Variants in MYCBP2 observed in about 807,000 individuals in gnomAD.
The protein encoded by MYCBP2 is E3 ubiquitin-protein ligase MYCBP2.
Under a neutral mutation model 525.3 loss-of-function variants are expected in MYCBP2, and 120 were observed. The observed-to-expected ratio is 0.23, with a 90% CI of 0.20 to 0.27. MYCBP2 has a LOEUF of 0.27. Ranked by LOEUF, MYCBP2 falls within the 10% of genes least tolerant of loss-of-function variation. The probability of loss-of-function intolerance (pLI) is 1.00; values close to 1 mark genes in which losing one functional copy is unlikely to be tolerated. For missense variants in MYCBP2, 4,149 were observed against 5,657.1 expected, an observed-to-expected ratio of 0.73 and a Z score of 8.55; for synonymous variants, 1,894 against 1,955.8, an observed-to-expected ratio of 0.97 and a Z score of 0.83.
intron 81 of MYCBP2, 67 bp downstream of exon 81, chr13:77,051,744 T>A: frequency 8.5e-7 from 1 of 1,179,260 alleles, no homozygotes; most frequent in Non-Finnish European, 1.2e-6. Flanking sequence ...CCCACCATAT[T>A]ATTGTTTAAA....
At chr13:77,197,994 C>G (rs41405744) in intron 26 of MYCBP2, among the ~76,000 whole-genome samples, 5,467 of 152,238 alleles carry the variant, frequency 0.036, 148 homozygotes, top group Middle Eastern at 0.068. Context: ...ATAAGGTCCA[C>G]TACGTTGTTC....
intron 68 of MYCBP2, among the ~76,000 whole-genome samples, chr13:77,074,665 C>G (rs564869439): frequency 2.0e-5 from 3 of 152,278 alleles, no homozygotes; most frequent in Middle Eastern, 6.8e-3. Flanking sequence ...TAATGGAACA[C>G]TTCTCAGCAA....
intron 10 of MYCBP2, among the ~76,000 whole-genome samples, chr13:77,262,454 T>C (rs2073459463): frequency 6.6e-6 from 1 of 152,028 alleles, no homozygotes; most frequent in Admixed American, 6.6e-5. Flanking sequence ...GAGCGTTTAT[T>C]AGGTACCAGG....
intron 10 of MYCBP2, among the ~76,000 whole-genome samples, chr13:77,263,233 T>A (rs1002811458): frequency 1.3e-5 from 2 of 152,012 alleles, no homozygotes; most frequent in African/African-American, 4.8e-5. Flanking sequence ...TCTATTCAAG[T>A]AAAAACTTTA....
intron 2 of MYCBP2, among the ~76,000 whole-genome samples, chr13:77,294,107 TATATATATATATATATATATATAC>T (rs999801411): frequency 4.6e-5 from 2 of 43,904 alleles, no homozygotes; most frequent in African/African-American, 1.0e-4. Flanking sequence ...ATAATGGCTA[TATATATATATATATATATATATAC>T]ATATATATAT....
intron 4 of MYCBP2, among the ~76,000 whole-genome samples, chr13:77,276,655 ATTTTTTGGGGGTT>A (rs938311263): frequency 1.3e-5 from 2 of 151,528 alleles, no homozygotes; most frequent in Non-Finnish European, 2.9e-5. Flanking sequence ...GTTTTGTGGG[ATTTTTTGGGGGTT>A]TTTTTTTTGG....
chr13:77,160,363 T>G (rs1409218744), intron 44 of MYCBP2, among the ~76,000 whole-genome samples: 1 of 152,226 alleles, frequency 6.6e-6, no homozygotes, highest in Non-Finnish European at 1.5e-5. Context: ...ATAAAACTTT[T>G]TAATTCATTG....
At chr13:77,320,839 A>G (rs1594904083) in intron 1 of MYCBP2, among the ~76,000 whole-genome samples, 1 of 152,260 alleles carries the variant, frequency 6.6e-6, no homozygotes, top group East Asian at 1.9e-4. Context: ...TACAGGAAAT[A>G]CAGATACAAG....
At chr13:77,078,447 G>C (rs1200890623) in intron 66 of MYCBP2, among the ~76,000 whole-genome samples, 1 of 152,174 alleles carries the variant, frequency 6.6e-6, no homozygotes, top group Admixed American at 6.6e-5. Flanking sequence ...TGTTATAACA[G>C]ACAGATTTTT....
At position 77,097,744 on chromosome 13, in the gene MYCBP2, T is replaced by G. The variant is rs913644571; in HGVS notation, c.9410A>C (p.Lys3137Thr). The G allele has an allele frequency of 5.6e-6, 9 of 1,613,672 alleles. No individual in the cohort carries two copies. In the Admixed American group the frequency reaches 1.3e-4, roughly 24 times the overall value. ...PPLHEKCEDG[K>T]TETTFEMSMH... ...GGACATTTCAAAAGTGGTCTCGGTT[T>G]TCCCATCCTCACATTTTTCATGCAG... Residue 3137 changes from lysine to threonine, a missense_variant, in exon 56 of 83, where the codon AAA becomes ACA. This residue lies in a region of MYCBP2 where 653 missense variants were observed against 744.7 expected (regional missense o/e 0.88). Coordinates refer to ENST00000544440, the MANE Select transcript of MYCBP2 (RefSeq NM_015057.5).
At chr13:77,071,719 A>G (rs1333457169) in intron 68 of MYCBP2, among the ~76,000 whole-genome samples, 2 of 152,192 alleles carry the variant, frequency 1.3e-5, no homozygotes, top group South Asian at 2.1e-4. Flanking sequence ...TTATTGATCA[A>G]CTTGAACTAA....
In MYCBP2 at chr13:77,064,752, G is replaced by A. The variant is rs747714740; in HGVS notation, c.12553-18C>T. The A allele has an allele frequency of 1.2e-6, 2 of 1,600,224 alleles. No individual in the cohort carries two copies. The highest frequency in any genetic ancestry group is 1.7e-6 in the Non-Finnish European group (2 of 1,173,898). ...AGATGACCCTATTGAGCAGAACAGA[G>A]TATTTTAATAAGTGACCAGAAATGT... On this transcript the variant is annotated intron_variant, in intron 72 of 82. Transcript: ENST00000544440.
chr13:77,157,358 G>C (rs2057337226), intron 45 of MYCBP2, among the ~76,000 whole-genome samples: 1 of 152,150 alleles, frequency 6.6e-6, no homozygotes, highest in Admixed American at 6.5e-5. Context: ...CAAGTAGCTG[G>C]GACTACAGGA....
chr13:77,219,838 G>C (rs986802263), intron 20 of MYCBP2, among the ~76,000 whole-genome samples: 9 of 151,902 alleles, frequency 5.9e-5, no homozygotes, highest in Non-Finnish European at 1.3e-4. Flanking sequence ...CAGATATAAA[G>C]GACTTCTAGG....
At position 77,245,744 on chromosome 13, in the gene MYCBP2, AACACACACACAC is replaced by A. The variant is rs71102727; in HGVS notation, c.2382-1805_2382-1794del. 1.8e-3 allele frequency among the ~76,000 whole-genome samples: 252 copies of A among 143,168 alleles called. 2 individuals carry two copies. The highest frequency in any genetic ancestry group is 5.9e-3 in the African/African-American group (226 of 38,008). The allele number at this position is 143,168 out of a possible 152,430, so 93.9% of individuals were successfully genotyped here. On this transcript the variant is annotated intron_variant, in intron 15 of 82. Transcript: ENST00000544440. Reference sequence around the variant, plus strand: ...GCACATGTATCCCAGAACGTAAAGTAACACACACACACACACACACACACACACACACACACA... The same window carrying A: ...GCACATGTATCCCAGAACGTAAAGTAACACACACACACACACACACACACA...
chr13:77,211,119 A>G, intron 23 of MYCBP2, 48 bp downstream of exon 23: 1 of 1,347,934 alleles, frequency 7.4e-7, no homozygotes, highest in Non-Finnish European at 9.7e-7. Flanking sequence ...CCATAAGAGT[A>G]TAACTGCATC....
At chr13:77,217,994 C>T in intron 20 of MYCBP2, 37 bp from the exon 21 acceptor site, 1 of 1,357,970 alleles carries the variant, frequency 7.4e-7, no homozygotes, top group Non-Finnish European at 1.0e-6. Flanking sequence ...CAATTTCTTA[C>T]AAAACTCAAC....
At chr13:77,251,638 CCTCA>C (rs2071223078) in intron 14 of MYCBP2, among the ~76,000 whole-genome samples, 1 of 152,114 alleles carries the variant, frequency 6.6e-6, no homozygotes, top group African/African-American at 2.4e-5. Flanking sequence ...TGTTTTCCAT[CCTCA>C]CTACCAACAC....
chr13:77,167,200 T>C (rs1186740458), intron 40 of MYCBP2, among the ~76,000 whole-genome samples: 1 of 151,994 alleles, frequency 6.6e-6, no homozygotes, highest in Non-Finnish European at 1.5e-5. Context: ...CATAAATCTA[T>C]CTGTACATAA....
Sources: gnomAD v4.1 joint callset for allele counts (sites outside exome capture counted in the v4.1 genomes callset) on GRCh38, gnomAD v4.1.1 for gene constraint, gnomAD v4.1.1 regional missense constraint, MANE v1.5 for transcripts, NCBI Gene and HGNC (gene_info 2026-07-23, HGNC 2026-07-21) for gene names.